The following NHSL1 variants were observed in gnomAD, a reference collection of about 807,000 sequenced individuals.
The protein encoded by NHSL1 is NHS like 1.
Under a neutral mutation model 95.0 loss-of-function variants are expected in NHSL1, and 48 were observed. The observed-to-expected ratio is 0.51, with a 90% CI of 0.40 to 0.64. NHSL1 has a LOEUF of 0.64. NHSL1 is among the 30% of genes least tolerant of loss of function. NHSL1 has a pLI of 0.00. For missense variants in NHSL1, 1,971 were observed against 2,077.7 expected, an observed-to-expected ratio of 0.95 and a Z score of 1.00; for synonymous variants, 783 against 833.9, an observed-to-expected ratio of 0.94 and a Z score of 1.05.
chr6:138,624,997 T>A (rs1056544769), intron 1 of NHSL1, among the ~76,000 whole-genome samples: 19 of 152,238 alleles, frequency 1.2e-4, no homozygotes, highest in East Asian at 7.7e-4. Flanking sequence ...TGTGTGTGTG[T>A]GAGAGAGAGA....
intron 3 of NHSL1, among the ~76,000 whole-genome samples, chr6:138,460,950 T>C (rs148645003): frequency 3.3e-5 from 5 of 152,004 alleles, no homozygotes; most frequent in Non-Finnish European, 7.4e-5. Context: ...GCCTACTCTA[T>C]GGACATACTC....
intron 1 of NHSL1, among the ~76,000 whole-genome samples, chr6:138,543,221 T>C (rs1281492359): frequency 6.6e-6 from 1 of 152,236 alleles, no homozygotes. Context: ...CATGCCTTTG[T>C]TAGCCACAGA....
At chr6:138,576,376 A>AAAGTG (rs1170679892), upstream of NHSL1, among the ~76,000 whole-genome samples, 2 of 152,220 alleles carry the variant, frequency 1.3e-5, no homozygotes, top group Admixed American at 6.5e-5. Flanking sequence ...ATCTTAACGT[A>AAAGTG]GCTATTTTTC....
chr6:138,477,988 T>G (rs1192356384), intron 2 of NHSL1, among the ~76,000 whole-genome samples: 4 of 150,852 alleles, frequency 2.7e-5, no homozygotes, highest in Non-Finnish European at 4.4e-5. Context: ...AATGCATCTT[T>G]TTTTCACCAT....
chr6:138,629,575 GT>G (rs1784789752), intron 1 of NHSL1, among the ~76,000 whole-genome samples: 1 of 152,142 alleles, frequency 6.6e-6, no homozygotes, highest in Non-Finnish European at 1.5e-5. Flanking sequence ...TAGAGATGGG[GT>G]TTCACCATGT....
intron 1 of NHSL1, among the ~76,000 whole-genome samples, chr6:138,537,258 T>C (rs995649567): frequency 1.3e-5 from 2 of 152,242 alleles, no homozygotes; most frequent in African/African-American, 4.8e-5. Context: ...TAGAGCGGTA[T>C]CAGGATACTC....
chr6:138,508,251 C>G (rs1781058647), intron 1 of NHSL1, among the ~76,000 whole-genome samples: 1 of 152,176 alleles, frequency 6.6e-6, no homozygotes, highest in Non-Finnish European at 1.5e-5. Context: ...TCAACCACGC[C>G]TGCAGGAATG....
rs1204176114 is a variant in NHSL1, at chr6:138,473,403, C to T, written c.242G>A (p.Arg81His). ...TCCCTGAGAGTAGTACTGAGAACTG[C>T]GGTAGCCATCATGCCGCAACTTATC... Reference protein sequence around the residue: ...ECDKLRHDGYRSSQYYSQGPT... With the variant: ...ECDKLRHDGYHSSQYYSQGPT... The change falls in exon 3 of 8, where the codon CGC (arginine) becomes CAC (histidine). Residue 81 changes from arginine (R) to histidine (H), a missense_variant. Transcript: ENST00000343505. The T allele has an allele frequency of 3.2e-5, 49 of 1,524,078 alleles. No individual in the cohort carries two copies. The highest frequency in any genetic ancestry group is 6.4e-5 in the Admixed American group (3 of 46,848). The allele number at this position is 1,524,078 out of a possible 1,614,324, so 94.4% of individuals were successfully genotyped here. A position where few individuals can be genotyped will look rare whatever the true frequency, so the allele number is the denominator to read the frequency against.
At chr6:138,597,137 G>A (rs1368363531) in intron 1 of NHSL1, among the ~76,000 whole-genome samples, 4 of 152,124 alleles carry the variant, frequency 2.6e-5, no homozygotes, top group Admixed American at 1.3e-4. Flanking sequence ...CTCCAGCCTG[G>A]GCGACAGAGT....
intron 1 of NHSL1, chr6:138,650,612 C>T (rs1202446584): frequency 3.4e-6 from 2 of 582,422 alleles, no homozygotes; most frequent in East Asian, 8.7e-5. Flanking sequence ...TGAAAAGCTT[C>T]CCAATGGAGC....
At chr6:138,602,643 G>A (rs754829866) in intron 1 of NHSL1, among the ~76,000 whole-genome samples, 8 of 151,974 alleles carry the variant, frequency 5.3e-5, no homozygotes, top group African/African-American at 7.3e-5. Context: ...ATGCCCAGCC[G>A]GTTATTGTAT....
chr6:138,629,926 A>T (rs1204320588), intron 1 of NHSL1, among the ~76,000 whole-genome samples: 1 of 152,236 alleles, frequency 6.6e-6, no homozygotes, highest in Non-Finnish European at 1.5e-5. Context: ...TTTTAGTAGT[A>T]CACAATTACT....
intron 2 of NHSL1, among the ~76,000 whole-genome samples, chr6:138,485,313 A>T (rs1779657273): frequency 1.3e-5 from 2 of 152,186 alleles, no homozygotes; most frequent in Admixed American, 6.5e-5. Flanking sequence ...GAATTGCTGA[A>T]ACAGCAGACT....
In NHSL1 at chr6:138,424,193, C is replaced by A; in HGVS notation, c.4709G>T (p.Gly1570Val). The change falls in exon 8 of 8, where the codon GGG (glycine) becomes GTG (valine). Residue 1570 changes from glycine (G) to valine (V), a missense_variant. By Grantham distance (109) the Gly-to-Val change is moderately radical. This residue lies in a region of NHSL1 where 223 missense variants were observed against 217.0 expected (regional missense o/e 1.03). Coordinates refer to ENST00000343505, the MANE Select transcript of NHSL1 (RefSeq NM_001144060.2). The surrounding 1 kb of genome is among the most constrained non-coding windows in gnomAD (Gnocchi z 5.9). ...MDEGGLLCGE[G>V]PAASLQPQAP... ...CTGGGGCTGCAGGGAGGCGGCAGGC[C>A]CCTCCCCACAGAGCAGGCCGCCCTC... is the stretch of plus-strand genomic sequence containing the variant. The A allele has an allele frequency of 4.7e-6, 7 of 1,481,046 alleles. No individual in the cohort carries two copies. The highest frequency in any genetic ancestry group is 6.3e-6 in the Non-Finnish European group (7 of 1,118,580). The allele number at this position is 1,481,046 out of a possible 1,614,324, so 91.7% of individuals were successfully genotyped here.
rs9495082 is a variant in NHSL1, at chr6:138,424,162, G to A, written c.4740C>T (p.Pro1580=). Reference sequence around the variant, plus strand: ...CACTGGCTGTCCCATCCACAGGGCCGGGGGCCTGGGGCTGCAGGGAGGCGG... The same window carrying A: ...CACTGGCTGTCCCATCCACAGGGCCAGGGGCCTGGGGCTGCAGGGAGGCGG... ...GPAASLQPQA[P]GPVDGTASAE... The change falls in exon 8 of 8, where the codon CCC becomes CCT. Residue 1580 remains proline, a synonymous_variant. Coordinates refer to ENST00000343505, the MANE Select transcript of NHSL1 (RefSeq NM_001144060.2). This position sits in a 1 kb window ranked among gnomAD's most constrained non-coding sequence, Gnocchi z 5.9. The A allele has an allele frequency of 0.077, 112,007 of 1,452,032 alleles. 6,240 individuals carry two copies. The highest frequency in any genetic ancestry group is 0.28 in the African/African-American group (19,293 of 70,092). The allele number at this position is 1,452,032 out of a possible 1,614,324, so 89.9% of individuals were successfully genotyped here.
Position 138,529,074 on chromosome 6 carries a change from G to C in NHSL1, c.16+16549C>G, listed in dbSNP as rs180912557. On this transcript the variant is annotated intron_variant, in intron 1 of 4. Transcript: ENST00000342260. The stretch of plus-strand genomic sequence containing the variant: ...GAATTTATTATTGTTAACCTCTCCT[G>C]CACAAAGTCAGCATATAATAGCATA... 2.4e-3 allele frequency among the ~76,000 whole-genome samples: 362 copies of C among 152,204 alleles called. 3 individuals are homozygous for C. Among genetic ancestry groups the C allele is most frequent in the African/African-American group, 7.9e-3 (330 of 41,522 alleles).
At chr6:138,460,814 G>A (rs1038180491) in intron 3 of NHSL1, among the ~76,000 whole-genome samples, 1 of 151,052 alleles carries the variant, frequency 6.6e-6, no homozygotes, top group African/African-American at 2.4e-5. Context: ...GCCCCTCTGT[G>A]AGCGCACCTC....
intron 1 of NHSL1, among the ~76,000 whole-genome samples, chr6:138,596,659 C>T (rs1346882794): frequency 1.3e-5 from 2 of 152,008 alleles, no homozygotes; most frequent in Non-Finnish European, 2.9e-5. Flanking sequence ...AAAAGGACAT[C>T]GAGGAGCTCA....
intron 1 of NHSL1, among the ~76,000 whole-genome samples, chr6:138,590,538 T>C (rs1784209721): frequency 6.6e-6 from 1 of 152,140 alleles, no homozygotes; most frequent in Non-Finnish European, 1.5e-5. Flanking sequence ...AGCCCTGATC[T>C]TGTCAAACTG....
Sources: gnomAD v4.1 joint callset for allele counts (sites outside exome capture counted in the v4.1 genomes callset) on GRCh38, gnomAD v4.1.1 for gene constraint, gnomAD v4.1.1 regional missense constraint, Gnocchi (gnomAD v3.1) non-coding constraint, MANE v1.5 for transcripts, NCBI Gene and HGNC (gene_info 2026-07-23, HGNC 2026-07-21) for gene names.